Variants in NLGN1 observed in about 807,000 individuals in gnomAD.
The protein encoded by NLGN1 is neuroligin 1.
In NLGN1, 12 loss-of-function variants were observed where a neutral mutation model predicts 65.5. That is an observed-to-expected ratio of 0.18 (90% CI 0.12 to 0.30). NLGN1 has a LOEUF of 0.30. Among genes scored for constraint, NLGN1 ranks in the 10% least tolerant of loss-of-function variants. The pLI is 1.00. For synonymous variants in NLGN1, 350 were observed against 359.5 expected (o/e 0.97, Z 0.30); for missense variants, 750 against 1,007.1 (o/e 0.74, Z 3.46).
At chr3:174,235,265 C>T (rs1349989534) in intron 4 of NLGN1, among the ~76,000 whole-genome samples, 1 of 152,022 alleles carries the variant, frequency 6.6e-6, no homozygotes, top group African/African-American at 2.4e-5. Flanking sequence ...CTTACCCCTC[C>T]TTCATATACA....
At chr3:173,841,108 ACT>A (rs1724684496) in intron 4 of NLGN1, among the ~76,000 whole-genome samples, 1 of 147,918 alleles carries the variant, frequency 6.8e-6, no homozygotes, top group African/African-American at 2.6e-5. Context: ...ATACTTTAAA[ACT>A]CTACCAAATA....
chr3:173,902,842 G>A (rs567546887), intron 4 of NLGN1, among the ~76,000 whole-genome samples: 7 of 152,106 alleles, frequency 4.6e-5, no homozygotes, highest in Non-Finnish European at 1.0e-4. Flanking sequence ...AATGCATTTT[G>A]TGAACTACTG....
At chr3:173,632,849 G>GTTTTTTTTTTTTTTTTTTTTTTTTT (rs5854526) in intron 3 of NLGN1, among the ~76,000 whole-genome samples, 3 of 116,424 alleles carry the variant, frequency 2.6e-5, no homozygotes, top group Admixed American at 9.4e-5. Flanking sequence ...TTTTTTTTTT[G>GTTTTTTTTTTTTTTTTTTTTTTTTT]TTTTTTTTTT....
chr3:173,612,753 C>T (rs1044241770), intron 3 of NLGN1, among the ~76,000 whole-genome samples: 4 of 152,038 alleles, frequency 2.6e-5, no homozygotes, highest in Non-Finnish European at 4.4e-5. Context: ...AACTGGGTAG[C>T]GTAAACAGCA....
At chr3:174,094,001 G>A (rs553350124) in intron 4 of NLGN1, among the ~76,000 whole-genome samples, 1 of 151,898 alleles carries the variant, frequency 6.6e-6, no homozygotes, top group South Asian at 2.1e-4. Flanking sequence ...ATTAATTTGG[G>A]GAAATTTTTC....
intron 5 of NLGN1, among the ~76,000 whole-genome samples, chr3:174,278,592 C>T (rs1426907190): frequency 1.3e-5 from 2 of 151,848 alleles, no homozygotes; most frequent in East Asian, 1.9e-4. Context: ...ACCACTACAT[C>T]GTCTCCTTTT....
chr3:174,279,237 C>T lies in NLGN1; in HGVS notation c.1236C>T (p.Asp412=), dbSNP rs1178378923. 1 of 1,613,312 alleles carries T rather than the reference C, an allele frequency of 6.2e-7. No homozygotes were observed. Among genetic ancestry groups the T allele is most frequent in the Admixed American group, 1.7e-5 (1 of 59,898 alleles). The change falls in exon 6 of 7, where the codon GAC becomes GAT. Residue 412 remains aspartate (D), a synonymous_variant. Coordinates refer to ENST00000457714, the Ensembl canonical transcript of NLGN1. The surrounding 1 kb of genome is among the most constrained non-coding windows in gnomAD (Gnocchi z 4.7). ...ATGGTATATCAGCTAGTGATTTTGA[C>T]TTTGCTGTTTCAAATTTTGTTGATA...
chr3:173,749,543 T>C (rs957791011), intron 3 of NLGN1, among the ~76,000 whole-genome samples: 1 of 152,074 alleles, frequency 6.6e-6, no homozygotes, highest in African/African-American at 2.4e-5. Flanking sequence ...AATCAAACCG[T>C]AACTGTTAAT....
chr3:173,587,269 G>C (rs1747636758), intron 2 of NLGN1, among the ~76,000 whole-genome samples: 1 of 152,142 alleles, frequency 6.6e-6, no homozygotes, highest in Non-Finnish European at 1.5e-5. Flanking sequence ...AATGAAAAGG[G>C]AGAAAGTGAC....
Position 174,016,240 on chromosome 3 carries a change from G to A in NLGN1, c.646+208408G>A, listed in dbSNP as rs140923443. On this transcript the variant is annotated intron_variant, in intron 4 of 6. Coordinates refer to ENST00000457714, the Ensembl canonical transcript of NLGN1. Reference sequence around the variant, plus strand: ...TAGAAATGTCTGTTTGCTGAAGACCGTTAGAGTGAGCATCAGAGAAACTTT... The same window carrying A: ...TAGAAATGTCTGTTTGCTGAAGACCATTAGAGTGAGCATCAGAGAAACTTT... 5.0e-3 allele frequency among the ~76,000 whole-genome samples: 761 copies of A among 152,228 alleles called. 12 individuals carry two copies. Among genetic ancestry groups the A allele is most frequent in the African/African-American group, 0.018 (729 of 41,542 alleles).
intron 3 of NLGN1, among the ~76,000 whole-genome samples, chr3:173,618,239 A>G (rs909333725): frequency 2.0e-5 from 3 of 151,884 alleles, no homozygotes; most frequent in Non-Finnish European, 4.4e-5. Flanking sequence ...TCTATCATCC[A>G]GGCTGGAATG....
At chr3:173,551,565 A>AT (rs1560425075) in intron 2 of NLGN1, among the ~76,000 whole-genome samples, 2 of 152,156 alleles carry the variant, frequency 1.3e-5, no homozygotes, top group African/African-American at 2.4e-5. Flanking sequence ...TAAAAAAATC[A>AT]TTTTTTCTTT....
At chr3:173,408,516 G>C (rs1415425191) in intron 1 of NLGN1, among the ~76,000 whole-genome samples, 2 of 152,286 alleles carry the variant, frequency 1.3e-5, no homozygotes, top group South Asian at 2.1e-4. Flanking sequence ...GGAGCCAGTG[G>C]CTAGAATAAC....
At chr3:173,979,915 C>A (rs919133313) in intron 4 of NLGN1, among the ~76,000 whole-genome samples, 6 of 151,968 alleles carry the variant, frequency 3.9e-5, no homozygotes, top group Admixed American at 1.3e-4. Context: ...TTCCATCTGG[C>A]ACCTTATCAA....
At chr3:174,048,467 A>G (rs566949964) in intron 4 of NLGN1, among the ~76,000 whole-genome samples, 14 of 152,174 alleles carry the variant, frequency 9.2e-5, no homozygotes, top group African/African-American at 3.4e-4. Flanking sequence ...GTCACAGACA[A>G]GTTGACAGTT....
At chr3:174,138,587 A>G (rs946102363) in intron 4 of NLGN1, among the ~76,000 whole-genome samples, 1 of 151,916 alleles carries the variant, frequency 6.6e-6, no homozygotes, top group Non-Finnish European at 1.5e-5. Flanking sequence ...GGCCCCCGCC[A>G]CCACGCCCGG....
chr3:174,080,862 A>G (rs1742016502), intron 4 of NLGN1, among the ~76,000 whole-genome samples: 1 of 150,722 alleles, frequency 6.6e-6, no homozygotes, highest in Non-Finnish European at 1.5e-5. Flanking sequence ...TTATTATTTT[A>G]GAGAGACAGT....
At chr3:174,035,296 G>A (rs1012073881) in intron 4 of NLGN1, among the ~76,000 whole-genome samples, 1 of 152,080 alleles carries the variant, frequency 6.6e-6, no homozygotes, top group African/African-American at 2.4e-5. Context: ...GTGCAAACAG[G>A]AACTCAATAC....
chr3:173,648,556 ATTC>A (rs1415264457), intron 3 of NLGN1, among the ~76,000 whole-genome samples: 4 of 152,012 alleles, frequency 2.6e-5, no homozygotes, highest in African/African-American at 9.7e-5. Flanking sequence ...AACTGGGTAG[ATTC>A]TTCTTTTTCT....
Sources: allele counts gnomAD v4.1 joint callset (sites outside exome capture counted in the v4.1 genomes callset), GRCh38; gene constraint gnomAD v4.1.1; non-coding constraint Gnocchi (gnomAD v3.1); transcripts MANE v1.5; gene names NCBI Gene and HGNC (gene_info 2026-07-23, HGNC 2026-07-21).